BEND5: variants seen among roughly 807,000 people sequenced by gnomAD.
BEND5 encodes BEN domain-containing protein 5.
BEND5 carries 22 observed loss-of-function variants against 43.9 expected under a neutral mutation model. The ratio of observed to expected loss-of-function variants is 0.50; its 90% CI spans 0.36 to 0.72. The LOEUF (loss-of-function observed/expected upper bound fraction) is 0.72, where lower values mean the gene tolerates loss of function less well. BEND5 is among the 30% of genes least tolerant of loss of function. The pLI is 0.00. For synonymous variants in BEND5, 228 were observed against 225.9 expected, an observed-to-expected ratio of 1.01 and a Z score of -0.08; for missense variants, 428 against 550.6, an observed-to-expected ratio of 0.78 and a Z score of 2.23.
chr1:48,754,833 T>C (rs1652293896), intron 3 of BEND5, among the ~76,000 whole-genome samples: 1 of 151,712 alleles, frequency 6.6e-6, no homozygotes, highest in East Asian at 1.9e-4. Flanking sequence ...TTGGGAAAAA[T>C]GAAGTCTAAG....
chr1:48,752,563 A>G (rs2148634557), intron 3 of BEND5, among the ~76,000 whole-genome samples: 1 of 152,322 alleles, frequency 6.6e-6, no homozygotes, highest in East Asian at 1.9e-4. Context: ...AGGGTTGACC[A>G]AAGATTAAGA....
At chr1:48,747,694 G>GT (rs1281825304) in intron 3 of BEND5, among the ~76,000 whole-genome samples, 2 of 152,152 alleles carry the variant, frequency 1.3e-5, no homozygotes, top group African/African-American at 4.8e-5. Flanking sequence ...TACGGTCTTT[G>GT]TAAGTGTTTG....
intron 3 of BEND5, among the ~76,000 whole-genome samples, chr1:48,752,894 C>T (rs1651969698): frequency 6.6e-6 from 1 of 152,114 alleles, no homozygotes; most frequent in African/African-American, 2.4e-5. Context: ...GGACTACAGG[C>T]ACGCGCCCCC....
At chr1:48,755,681 G>C (rs1471970638) in intron 3 of BEND5, among the ~76,000 whole-genome samples, 1 of 152,092 alleles carries the variant, frequency 6.6e-6, no homozygotes, top group Admixed American at 6.6e-5. Context: ...TTACAGCAAG[G>C]GGATATCTTA....
chr1:48,736,571 A>T lies in BEND5; in HGVS notation c.895-119T>A, dbSNP rs1362866066. On this transcript the variant is annotated intron_variant, in intron 4 of 5. Transcript: ENST00000371833. The surrounding 1 kb of genome is among the most constrained non-coding windows in gnomAD (Gnocchi z 4.0). ...TAAGAGATTCATGTCATAAATATGA[A>T]ATTAACTCTCTTTAAGGGTAATCGT... is the stretch of plus-strand genomic sequence containing the variant. The T allele has an allele frequency of 2.7e-5, 22 of 828,966 alleles. No homozygotes were observed. Among genetic ancestry groups the T allele is most frequent in the Non-Finnish European group, 4.0e-5 (21 of 519,208 alleles). The allele number at this position is 828,966 out of a possible 1,614,324, so 51.4% of individuals were successfully genotyped here.
At chr1:48,746,455 G>A (rs577779501) in intron 3 of BEND5, among the ~76,000 whole-genome samples, 2 of 152,330 alleles carry the variant, frequency 1.3e-5, no homozygotes, top group East Asian at 1.9e-4. Context: ...CAAGGCTCAC[G>A]AAGGTGTCCT....
At chr1:48,754,419 T>C (rs1431524461) in intron 3 of BEND5, among the ~76,000 whole-genome samples, 1 of 152,142 alleles carries the variant, frequency 6.6e-6, no homozygotes, top group African/African-American at 2.4e-5. Flanking sequence ...AACCCAGTCC[T>C]GGAACAAAGG....
chr1:48,750,176 T>C (rs1030540334), intron 3 of BEND5, among the ~76,000 whole-genome samples: 1 of 152,186 alleles, frequency 6.6e-6, no homozygotes. Context: ...TTGATTTGCC[T>C]GACTCAGAGG....
intron 3 of BEND5, among the ~76,000 whole-genome samples, chr1:48,754,563 AG>A (rs1471895179): frequency 9.9e-5 from 15 of 152,076 alleles, no homozygotes; most frequent in Admixed American, 9.2e-4. Flanking sequence ...TTGGGGGAGG[AG>A]GGGCAGGAAA....
intron 1 of BEND5, among the ~76,000 whole-genome samples, chr1:48,772,854 T>G (rs1311843284): frequency 3.3e-5 from 5 of 152,176 alleles, no homozygotes; most frequent in African/African-American, 4.8e-5. Context: ...AAGCCCACCT[T>G]GAATTGGTCC....
At chr1:48,732,599 G>A (rs894664490) in intron 5 of BEND5, among the ~76,000 whole-genome samples, 2 of 152,124 alleles carry the variant, frequency 1.3e-5, no homozygotes, top group African/African-American at 4.8e-5. Flanking sequence ...CAGGGAGGGA[G>A]GGCACGCAGA....
Position 48,736,665 on chromosome 1 carries a change from T to G in BEND5, c.895-213A>C, listed in dbSNP as rs1388150914. Among the ~76,000 whole-genome samples the G allele has an allele frequency of 6.6e-6, 1 of 152,224 alleles. No homozygotes were observed. The highest frequency in any genetic ancestry group is 1.5e-5 in the Non-Finnish European group (1 of 68,032). On this transcript the variant is annotated intron_variant, in intron 4 of 5. Transcript: ENST00000371833. This position sits in a 1 kb window ranked among gnomAD's most constrained non-coding sequence, Gnocchi z 4.0. ...TTCTAGGGCTTTATATTTGCTATCT[T>G]AAATCTTCATGGCAATTGTGGATAG...
chr1:48,753,034 C>T (rs1055763747), intron 3 of BEND5, among the ~76,000 whole-genome samples: 4 of 152,244 alleles, frequency 2.6e-5, no homozygotes, highest in Non-Finnish European at 4.4e-5. Context: ...AGGCGTGAGC[C>T]ACTGCCCCCG....
At chr1:48,762,638 G>GT (rs1475123464) in intron 1 of BEND5, among the ~76,000 whole-genome samples, 1 of 142,844 alleles carries the variant, frequency 7.0e-6, no homozygotes, top group Non-Finnish European at 1.5e-5. Flanking sequence ...GTGTGTGTGT[G>GT]TGTGTGTGTG....
In BEND5 at chr1:48,736,569, G is replaced by T; in HGVS notation, c.895-117C>A. ...TGTAAGAGATTCATGTCATAAATAT[G>T]AAATTAACTCTCTTTAAGGGTAATC... On this transcript the variant is annotated intron_variant, in intron 4 of 5. Coordinates refer to ENST00000371833, the MANE Select transcript of BEND5 (RefSeq NM_024603.4). This position sits in a 1 kb window ranked among gnomAD's most constrained non-coding sequence, Gnocchi z 4.0. The T allele has an allele frequency of 1.2e-6, 1 of 825,490 alleles. No homozygotes were observed. The highest frequency in any genetic ancestry group is 1.9e-6 in the Non-Finnish European group (1 of 514,996). The allele number at this position is 825,490 out of a possible 1,614,324, so 51.1% of individuals were successfully genotyped here.
At chr1:48,764,375 A>G (rs1490992782) in intron 1 of BEND5, among the ~76,000 whole-genome samples, 2 of 152,218 alleles carry the variant, frequency 1.3e-5, no homozygotes, top group Admixed American at 6.5e-5. Flanking sequence ...TAAAAACTTG[A>G]GCAGAGTGAA....
intron 3 of BEND5, among the ~76,000 whole-genome samples, chr1:48,746,291 G>A (rs1650748572): frequency 6.6e-6 from 1 of 151,908 alleles, no homozygotes; most frequent in African/African-American, 2.4e-5. Flanking sequence ...TTACACTTGT[G>A]CGCTTAAGTT....
chr1:48,749,468 T>C (rs1177991153), intron 3 of BEND5, among the ~76,000 whole-genome samples: 1 of 152,186 alleles, frequency 6.6e-6, no homozygotes, highest in African/African-American at 2.4e-5. Context: ...AGTAGTAAAG[T>C]AACTTGCCAG....
At chr1:48,747,790 C>T (rs1036879765) in intron 3 of BEND5, among the ~76,000 whole-genome samples, 1 of 152,174 alleles carries the variant, frequency 6.6e-6, no homozygotes, top group African/African-American at 2.4e-5. Context: ...CTGATTAACA[C>T]AAATGTTTAT....
Sources: allele counts gnomAD v4.1 joint callset (sites outside exome capture counted in the v4.1 genomes callset), GRCh38; gene constraint gnomAD v4.1.1; non-coding constraint Gnocchi (gnomAD v3.1); transcripts MANE v1.5; gene names NCBI Gene and HGNC (gene_info 2026-07-23, HGNC 2026-07-21).